Variants in NPAS3 observed in about 807,000 individuals in gnomAD.
The protein encoded by NPAS3 is neuronal PAS domain protein 3.
A neutral mutation model predicts 73.1 loss-of-function variants in NPAS3; 14 were observed. The ratio of observed to expected loss-of-function variants is 0.19; its 90% CI spans 0.13 to 0.30. The LOEUF is 0.30. Among genes scored for constraint, NPAS3 ranks in the 10% least tolerant of loss-of-function variants. The pLI, the probability that NPAS3 is intolerant of heterozygous loss-of-function variation, is 1.00. For synonymous variants in NPAS3, 620 were observed against 541.5 expected, an observed-to-expected ratio of 1.14 and a Z score of -2.01; for missense variants, 1,096 against 1,250.0, an observed-to-expected ratio of 0.88 and a Z score of 1.86.
intron 4 of NPAS3, among the ~76,000 whole-genome samples, chr14:33,438,467 A>G (rs1447595504): frequency 1.3e-5 from 2 of 152,234 alleles, no homozygotes; most frequent in Admixed American, 6.5e-5. Context: ...ATAGTTAAAC[A>G]GTAGCATGTG....
At chr14:33,156,179 A>G (rs925688697) in intron 2 of NPAS3, among the ~76,000 whole-genome samples, 6 of 152,230 alleles carry the variant, frequency 3.9e-5, no homozygotes, top group Non-Finnish European at 7.4e-5. Context: ...AGTAAGTAAT[A>G]TAGTCTCAAA....
In NPAS3 at chr14:33,076,105, C is replaced by T. The variant is rs563091425; in HGVS notation, c.140+20111C>T. Among the ~76,000 whole-genome samples the T allele has an allele frequency of 3.3e-5, 5 of 152,288 alleles. No homozygotes were observed. In the East Asian group the frequency reaches 9.7e-4, roughly 29 times the overall value. On this transcript the variant is annotated intron_variant, in intron 2 of 11. Coordinates refer to ENST00000356141, the Ensembl canonical transcript of NPAS3. Reference sequence around the variant, plus strand: ...TGTATTTCTATCTTGACCTTTCCCTCAGCCCTCTCACAAAACCTGAAAACA... The same window carrying T: ...TGTATTTCTATCTTGACCTTTCCCTTAGCCCTCTCACAAAACCTGAAAACA...
At chr14:33,719,024 A>G (rs887597643) in intron 6 of NPAS3, among the ~76,000 whole-genome samples, 1 of 152,130 alleles carries the variant, frequency 6.6e-6, no homozygotes, top group Non-Finnish European at 1.5e-5. Flanking sequence ...GCTACTTGGG[A>G]GGCTGAGGTT....
intron 1 of NPAS3, among the ~76,000 whole-genome samples, chr14:32,964,211 G>T (rs1407696181): frequency 3.7e-5 from 5 of 136,722 alleles, no homozygotes; most frequent in Admixed American, 1.6e-4. Context: ...TTTAGTATTT[G>T]CTATATGCAT....
At chr14:33,146,075 A>G (rs768642632) in intron 2 of NPAS3, among the ~76,000 whole-genome samples, 2 of 152,148 alleles carry the variant, frequency 1.3e-5, no homozygotes, top group Non-Finnish European at 2.9e-5. Flanking sequence ...GCATTGCCTA[A>G]TATATAAATA....
At chr14:33,328,688 A>G (rs2140266896) in intron 3 of NPAS3, among the ~76,000 whole-genome samples, 1 of 151,362 alleles carries the variant, frequency 6.6e-6, no homozygotes, top group South Asian at 2.1e-4. Context: ...CCACCTCCTG[A>G]CCACGTGATC....
At chr14:33,361,445 C>G (rs1043086641) in intron 3 of NPAS3, among the ~76,000 whole-genome samples, 4 of 152,116 alleles carry the variant, frequency 2.6e-5, no homozygotes, top group African/African-American at 9.7e-5. Flanking sequence ...TATGTTTTCC[C>G]CTTAGTTCTT....
intron 3 of NPAS3, among the ~76,000 whole-genome samples, chr14:33,356,865 A>G: frequency 6.6e-6 from 1 of 152,254 alleles, no homozygotes; most frequent in Admixed American, 6.5e-5. Context: ...TTGAGTCTAA[A>G]TAATAGGTCT....
chr14:33,341,224 C>G (rs2044462083), intron 3 of NPAS3, among the ~76,000 whole-genome samples: 1 of 152,182 alleles, frequency 6.6e-6, no homozygotes, highest in African/African-American at 2.4e-5. Flanking sequence ...ATTAGGGAAG[C>G]CACACGCCAT....
At chr14:33,455,741 G>T (rs1367303912) in intron 4 of NPAS3, among the ~76,000 whole-genome samples, 1 of 152,184 alleles carries the variant, frequency 6.6e-6, no homozygotes, top group Admixed American at 6.5e-5. Flanking sequence ...TAATGATGTA[G>T]ACTGCTAAAC....
intron 6 of NPAS3, among the ~76,000 whole-genome samples, chr14:33,734,726 A>C (rs568321806): frequency 6.6e-6 from 1 of 152,322 alleles, no homozygotes; most frequent in East Asian, 1.9e-4. Context: ...TGGTCAGGAC[A>C]TGACTCTTCC....
chr14:33,390,541 T>C (rs2046957332), intron 4 of NPAS3, among the ~76,000 whole-genome samples: 1 of 152,228 alleles, frequency 6.6e-6, no homozygotes, highest in African/African-American at 2.4e-5. Context: ...TATTACATTA[T>C]AGATCTGATC....
chr14:33,250,843 A>G (rs1055027653), intron 3 of NPAS3, among the ~76,000 whole-genome samples: 2 of 152,114 alleles, frequency 1.3e-5, no homozygotes, highest in African/African-American at 4.8e-5. Context: ...ATTCATGTGC[A>G]TACTTGGTTG....
intron 4 of NPAS3, among the ~76,000 whole-genome samples, chr14:33,444,695 A>G (rs150664191): frequency 3.9e-4 from 59 of 152,370 alleles, no homozygotes; most frequent in African/African-American, 1.3e-3. Context: ...CAACCCTGAG[A>G]TCACATGATT....
At chr14:33,532,735 C>T (rs1957317) in intron 4 of NPAS3, among the ~76,000 whole-genome samples, 53,260 of 151,910 alleles carry the variant, frequency 0.35, 9,622 homozygotes, top group African/African-American at 0.46. Context: ...GTTGTTCTCT[C>T]CCTTCCCTTT....
intron 2 of NPAS3, among the ~76,000 whole-genome samples, chr14:33,158,348 G>C (rs1169518466): frequency 1.3e-5 from 2 of 152,320 alleles, no homozygotes; most frequent in South Asian, 4.1e-4. Flanking sequence ...TACATGCTGA[G>C]GTGTGAGGAC....
intron 10 of NPAS3, among the ~76,000 whole-genome samples, chr14:33,797,112 T>G (rs924557046): frequency 6.6e-6 from 1 of 152,294 alleles, no homozygotes; most frequent in South Asian, 2.1e-4. Context: ...CCAGGAGACA[T>G]GGGAATGAAT....
intron 2 of NPAS3, among the ~76,000 whole-genome samples, chr14:33,196,788 A>G (rs947697836): frequency 2.8e-4 from 42 of 152,202 alleles, no homozygotes; most frequent in African/African-American, 1.0e-3. Flanking sequence ...ATATAAATGA[A>G]TGCTTATAGA....
intron 1 of NPAS3, among the ~76,000 whole-genome samples, chr14:33,035,723 T>A (rs1051729367): frequency 6.6e-6 from 1 of 152,196 alleles, no homozygotes; most frequent in Non-Finnish European, 1.5e-5. Flanking sequence ...CAAATGTGGC[T>A]TTAAGGATAA....
Sources: gnomAD v4.1 joint callset for allele counts (sites outside exome capture counted in the v4.1 genomes callset) on GRCh38, gnomAD v4.1.1 for gene constraint, MANE v1.5 for transcripts, NCBI Gene and HGNC (gene_info 2026-07-23, HGNC 2026-07-21) for gene names.